Variants in DYRK4 observed in about 807,000 individuals in gnomAD.
DYRK4 encodes the protein dual specificity tyrosine-phosphorylation-regulated kinase 4.
DYRK4 carries 64 observed loss-of-function variants against 68.3 expected under a neutral mutation model. The observed-to-expected ratio is 0.94, with a 90% CI of 0.77 to 1.15. The LOEUF (loss-of-function observed/expected upper bound fraction) is 1.15, where lower values mean the gene tolerates loss of function less well. DYRK4 is among the 50% of genes most tolerant of loss of function. The pLI is 0.00. For synonymous variants in DYRK4, 274 were observed against 289.9 expected (o/e 0.95, Z 0.56); for missense variants, 740 against 764.7 (o/e 0.97, Z 0.38).
intron 8 of DYRK4, chr12:4,597,038 T>G: frequency 8.5e-7 from 1 of 1,180,856 alleles, no homozygotes. Context: ...AAAGGACATT[T>G]CTTTGTTTGC....
chr12:4,567,699 GT>G (rs964885365), intron 1 of DYRK4, among the ~76,000 whole-genome samples: 57 of 152,150 alleles, frequency 3.7e-4, no homozygotes, highest in African/African-American at 1.4e-3. Flanking sequence ...AGGGGAAATG[GT>G]TTTTTTCCCC....
At chr12:4,607,481 CA>C (rs1359302601) in intron 12 of DYRK4, 94 bp downstream of exon 12, 4 of 1,361,660 alleles carry the variant, frequency 2.9e-6, no homozygotes, top group Non-Finnish European at 4.2e-6. Context: ...GGCCACATAC[CA>C]AAGGGCTGTG....
intron 11 of DYRK4, among the ~76,000 whole-genome samples, chr12:4,605,913 T>G (rs997182497): frequency 6.6e-6 from 1 of 152,104 alleles, no homozygotes; most frequent in African/African-American, 2.4e-5. Context: ...CCTTTTGAGT[T>G]CTGTGTAAGA....
intron 8 of DYRK4, among the ~76,000 whole-genome samples, chr12:4,597,577 T>C (rs1159758694): frequency 1.3e-5 from 2 of 152,228 alleles, no homozygotes; most frequent in East Asian, 3.8e-4. Context: ...TTCTTGGCCA[T>C]GAATCACAGT....
At chr12:4,569,507 A>G (rs569054814) in intron 2 of DYRK4, among the ~76,000 whole-genome samples, 1 of 152,324 alleles carries the variant, frequency 6.6e-6, no homozygotes, top group Non-Finnish European at 1.5e-5. Flanking sequence ...AAGTGCTATT[A>G]TTATCCCCAA....
At chr12:4,600,383 T>G (rs1045257034) in intron 10 of DYRK4, among the ~76,000 whole-genome samples, 3 of 151,892 alleles carry the variant, frequency 2.0e-5, no homozygotes, top group Non-Finnish European at 4.4e-5. Flanking sequence ...GAACAATTAG[T>G]GAACATTCCC....
At chr12:4,562,458 A>T (rs1944636817) in intron 1 of DYRK4, among the ~76,000 whole-genome samples, 175 bp downstream of exon 1, 2 of 152,222 alleles carry the variant, frequency 1.3e-5, no homozygotes, top group African/African-American at 4.8e-5. Context: ...ACAAGAAAAT[A>T]CAGTTGTAGT....
Position 4,590,382 on chromosome 12 carries a change from C to T in DYRK4, c.266C>T (p.Thr89Met), listed in dbSNP as rs1017903682. 8.9e-5 allele frequency: 136 copies of T among 1,535,696 alleles called. No individual in the cohort carries two copies. Among genetic ancestry groups the T allele is most frequent in the East Asian group, 1.7e-4 (7 of 40,902 alleles). ...GTGGACACCAAGGGGAAGAAGAATA[C>T]GGTAAGCTTCCCACACATTAGCAAG... The part of the protein sequence containing the change: ...PFVDTKGKKN[T>M]VSFPHISKKV... Residue 89 changes from threonine to methionine, a missense_variant, in exon 4 of 15, where the codon ACG becomes ATG. Transcript: ENST00000543431.
chr12:4,584,746 G>A (rs1267878547), intron 2 of DYRK4, among the ~76,000 whole-genome samples: 1 of 151,742 alleles, frequency 6.6e-6, no homozygotes, highest in Admixed American at 6.6e-5. Flanking sequence ...TAGTAGAGAC[G>A]GGGTTTCATT....
Position 4,613,454 on chromosome 12 carries a change from C to A in DYRK4, c.1667-61C>A. 6.4e-7 allele frequency: 1 copy of A among 1,551,220 alleles called. No individual in the cohort carries two copies. The highest frequency in any genetic ancestry group is 8.8e-7 in the Non-Finnish European group (1 of 1,142,394). On this transcript the variant is annotated intron_variant, in intron 14 of 14. Coordinates refer to ENST00000543431, the MANE Select transcript of DYRK4 (RefSeq NM_001394779.1). This position sits in a 1 kb window ranked among gnomAD's most constrained non-coding sequence, Gnocchi z 4.0. ...ACTAAGTGATGTACAACCTAAAGGACAATTAACATATAATCCACATTTGAA... is the reference window on the plus strand; with the variant it reads ...ACTAAGTGATGTACAACCTAAAGGAAAATTAACATATAATCCACATTTGAA...
intron 2 of DYRK4, among the ~76,000 whole-genome samples, chr12:4,577,965 T>C (rs35223930): frequency 0.017 from 2,532 of 152,344 alleles, 29 homozygotes; most frequent in South Asian, 0.032. Flanking sequence ...AATTGACTTT[T>C]GTGTATTAAT....
intron 2 of DYRK4, among the ~76,000 whole-genome samples, chr12:4,586,425 C>A (rs1944896958): frequency 6.6e-6 from 1 of 152,098 alleles, no homozygotes; most frequent in Non-Finnish European, 1.5e-5. Flanking sequence ...GTCATGAAAG[C>A]TCACTTTCTT....
chr12:4,574,244 A>AGG (rs1944763169), intron 2 of DYRK4, among the ~76,000 whole-genome samples: 3 of 151,032 alleles, frequency 2.0e-5, no homozygotes, highest in Non-Finnish European at 4.4e-5. Flanking sequence ...AAAAAAAAAA[A>AGG]AAAGGAAAGA....
chr12:4,576,928 G>T (rs1944795377), intron 2 of DYRK4, among the ~76,000 whole-genome samples: 1 of 152,054 alleles, frequency 6.6e-6, no homozygotes, highest in African/African-American at 2.4e-5. Flanking sequence ...TATGTGTTTT[G>T]CACATATTTT....
intron 10 of DYRK4, among the ~76,000 whole-genome samples, chr12:4,604,202 G>A (rs2137393650): frequency 6.6e-6 from 1 of 152,326 alleles, no homozygotes; most frequent in Admixed American, 6.5e-5. Context: ...CTCTGTGCAT[G>A]TGTACTTTGC....
chr12:4,572,391 C>T (rs1944739533), intron 2 of DYRK4, among the ~76,000 whole-genome samples: 1 of 152,184 alleles, frequency 6.6e-6, no homozygotes, highest in African/African-American at 2.4e-5. Flanking sequence ...ACGCCATTCT[C>T]CTGCCTCAGC....
chr12:4,596,892 G>A, intron 8 of DYRK4, 163 bp downstream of exon 8: 1 of 1,462,916 alleles, frequency 6.8e-7, no homozygotes, highest in Non-Finnish European at 8.9e-7. Context: ...AGGAGGTTGG[G>A]ATGAAAGCAG....
intron 14 of DYRK4, chr12:4,612,937 A>C: frequency 2.0e-6 from 1 of 498,280 alleles, no homozygotes; most frequent in South Asian, 2.5e-5. Flanking sequence ...TTGTGGCTAC[A>C]TCATGACTAG....
At position 4,604,895 on chromosome 12, in the gene DYRK4, T is replaced by G. The variant is rs753673258; in HGVS notation, c.1127-19T>G. ...TAAGAAGTTTGTCCCACGAGGTTTC[T>G]CTTACTTTGCCTCCGCAGTATACAC... On this transcript the variant is annotated intron_variant, in intron 10 of 14. Coordinates refer to ENST00000543431, the MANE Select transcript of DYRK4 (RefSeq NM_001394779.1). 6.4e-7 allele frequency: 1 copy of G among 1,570,918 alleles called. No individual in the cohort carries two copies. Among genetic ancestry groups the G allele is most frequent in the South Asian group, 1.1e-5 (1 of 86,958 alleles).
Sources: allele counts gnomAD v4.1 joint callset (sites outside exome capture counted in the v4.1 genomes callset), GRCh38; gene constraint gnomAD v4.1.1; non-coding constraint Gnocchi (gnomAD v3.1); transcripts MANE v1.5; gene names NCBI Gene and HGNC (gene_info 2026-07-23, HGNC 2026-07-21).